WDR7: variants seen among roughly 807,000 people sequenced by gnomAD.
WDR7 encodes WD repeat-containing protein 7.
Under a neutral mutation model 169.4 loss-of-function variants are expected in WDR7, and 46 were observed. The observed-to-expected ratio is 0.27, with a 90% CI of 0.21 to 0.35. WDR7 has a LOEUF of 0.35. Ranked by LOEUF, WDR7 falls within the 10% of genes least tolerant of loss-of-function variation. The pLI is 1.00. For missense variants in WDR7, 1,534 were observed against 1,859.3 expected (o/e 0.83, Z 3.22); for synonymous variants, 612 against 666.8 (o/e 0.92, Z 1.27).
At chr18:56,695,863 T>G (rs1483588822) in intron 11 of WDR7, among the ~76,000 whole-genome samples, 2 of 152,230 alleles carry the variant, frequency 1.3e-5, no homozygotes, top group African/African-American at 4.8e-5. Context: ...AATAGCTGTG[T>G]TAAAAAATAA....
chr18:56,924,830 T>C (rs2046780496), intron 22 of WDR7, among the ~76,000 whole-genome samples: 1 of 152,220 alleles, frequency 6.6e-6, no homozygotes, highest in South Asian at 2.1e-4. Context: ...AAGTCTATAA[T>C]TCAGTGGCAT....
In WDR7 at chr18:56,879,988, T is replaced by C. The variant is rs748174004; in HGVS notation, c.3349T>C (p.Tyr1117His). The change falls in exon 21 of 28, where the codon TAC becomes CAC. Residue 1117 changes from tyrosine to histidine, a missense_variant. Transcript: ENST00000254442. ...VPQMKKISTS[Y>H]EERRKQATAI... ...ACAAATGAAAAAAATTTCTACATCT[T>C]ACGAGGAAAGACGGAAGCAAGCTAC... The C allele has an allele frequency of 5.0e-6, 8 of 1,614,064 alleles. No individual in the cohort carries two copies. The African/African-American group carries it at 6.7e-5, about 13-fold the overall frequency.
In WDR7 at chr18:56,794,385, A is replaced by G. The variant is rs192449385; in HGVS notation, c.3190+12729A>G. ...AGTACAGTGGCGTGATCTTGGCTCA[A>G]TGCAAGCTCTGCCTCCTGGGTTCAC... On this transcript the variant is annotated intron_variant, in intron 19 of 27. Coordinates refer to ENST00000254442, the MANE Select transcript of WDR7 (RefSeq NM_015285.3). Among the ~76,000 whole-genome samples the G allele has an allele frequency of 2.0e-3, 258 of 129,694 alleles. 5 individuals are homozygous for G. The highest frequency in any genetic ancestry group is 4.4e-4 in the Non-Finnish European group (28 of 63,744). 85.1% of individuals were successfully genotyped at this position (129,694 alleles called of 152,430 possible). A position where few individuals can be genotyped will look rare whatever the true frequency, so the allele number is the denominator to read the frequency against.
chr18:56,835,744 G>T (rs1179919689), intron 20 of WDR7, among the ~76,000 whole-genome samples: 3 of 152,116 alleles, frequency 2.0e-5, no homozygotes, highest in Non-Finnish European at 4.4e-5. Context: ...TATGTTACTA[G>T]GTTTTTAAAG....
At chr18:56,904,452 C>G (rs2046449457) in intron 21 of WDR7, among the ~76,000 whole-genome samples, 1 of 152,136 alleles carries the variant, frequency 6.6e-6, no homozygotes, top group South Asian at 2.1e-4. Flanking sequence ...TGCATTTAAG[C>G]TTAATTACCT....
intron 16 of WDR7, among the ~76,000 whole-genome samples, chr18:56,766,251 G>A (rs750560156): frequency 6.6e-6 from 1 of 152,012 alleles, no homozygotes; most frequent in Non-Finnish European, 1.5e-5. Flanking sequence ...TCAGTGTAGT[G>A]TTCTTCATGT....
intron 20 of WDR7, among the ~76,000 whole-genome samples, chr18:56,877,464 A>G (rs1205010065): frequency 6.6e-6 from 1 of 152,202 alleles, no homozygotes; most frequent in Non-Finnish European, 1.5e-5. Context: ...GGAATGATGG[A>G]AGGGGGACCT....
intron 13 of WDR7, among the ~76,000 whole-genome samples, chr18:56,720,971 T>C (rs991529152): frequency 6.6e-6 from 1 of 152,136 alleles, no homozygotes; most frequent in South Asian, 2.1e-4. Context: ...TAGCTAGTGA[T>C]ACAAAGTTCC....
In WDR7 at chr18:56,808,879, C is replaced by T. The variant is rs935920752; in HGVS notation, c.3191-7152C>T. On this transcript the variant is annotated intron_variant, in intron 19 of 27. Coordinates refer to ENST00000254442, the MANE Select transcript of WDR7 (RefSeq NM_015285.3). ...TTCTGAAGTGGCTTAAAAAATATTGCATAAAATTGGGAAGTTTTATGTATA... is the reference window on the plus strand; with the variant it reads ...TTCTGAAGTGGCTTAAAAAATATTGTATAAAATTGGGAAGTTTTATGTATA... Among the ~76,000 whole-genome samples, 4 of 152,204 alleles carry T rather than the reference C, an allele frequency of 2.6e-5. No homozygotes were observed. The East Asian group carries it at 7.7e-4, about 29-fold the overall frequency.
intron 20 of WDR7, among the ~76,000 whole-genome samples, chr18:56,870,484 T>C (rs1283198406): frequency 1.3e-5 from 2 of 152,200 alleles, no homozygotes; most frequent in African/African-American, 4.8e-5. Context: ...CATGTCTTGG[T>C]ACCTTCACTA....
intron 21 of WDR7, among the ~76,000 whole-genome samples, chr18:56,916,017 T>A (rs1346529233): frequency 6.6e-6 from 1 of 152,182 alleles, no homozygotes; most frequent in Non-Finnish European, 1.5e-5. Context: ...ACTGGCGGTT[T>A]ATGGGGGCTT....
intron 20 of WDR7, among the ~76,000 whole-genome samples, chr18:56,852,563 A>G (rs779848592): frequency 2.4e-4 from 37 of 152,234 alleles, no homozygotes; most frequent in Admixed American, 5.2e-4. Flanking sequence ...GAAATTTACT[A>G]TGTTTTAATA....
intron 16 of WDR7, among the ~76,000 whole-genome samples, chr18:56,765,890 T>C (rs1287153093): frequency 6.6e-6 from 1 of 152,202 alleles, no homozygotes; most frequent in Non-Finnish European, 1.5e-5. Context: ...ACATGTGCCA[T>C]GTTGTTTTGC....
At chr18:56,907,256 C>T (rs948257932) in intron 21 of WDR7, among the ~76,000 whole-genome samples, 2 of 152,154 alleles carry the variant, frequency 1.3e-5, no homozygotes, top group African/African-American at 2.4e-5. Flanking sequence ...TTTCATTCCA[C>T]AAATATTTTT....
intron 21 of WDR7, among the ~76,000 whole-genome samples, chr18:56,881,952 T>C (rs1238391572): frequency 6.6e-6 from 1 of 152,226 alleles, no homozygotes; most frequent in Non-Finnish European, 1.5e-5. Context: ...CAAAATGAAC[T>C]TAAGACTTCT....
intron 27 of WDR7, among the ~76,000 whole-genome samples, chr18:57,021,237 G>A (rs1344832246): frequency 3.3e-5 from 5 of 152,178 alleles, no homozygotes; most frequent in Admixed American, 3.3e-4. Flanking sequence ...CAGGAGGTGT[G>A]GGTGGTTAAG....
chr18:56,857,476 C>T (rs1263938281), intron 20 of WDR7, among the ~76,000 whole-genome samples: 2 of 152,076 alleles, frequency 1.3e-5, no homozygotes, highest in African/African-American at 4.8e-5. Flanking sequence ...AGGCCGGTCA[C>T]GAACTCCTGA....
Position 57,026,542 on chromosome 18 carries a change from C to T in WDR7, c.4270-462C>T, listed in dbSNP as rs561978303. 2.6e-5 allele frequency among the ~76,000 whole-genome samples: 4 copies of T among 152,308 alleles called. No homozygotes were observed. In the East Asian group the frequency reaches 7.7e-4, roughly 29 times the overall value. On this transcript the variant is annotated intron_variant, in intron 27 of 27. Transcript: ENST00000254442. Reference sequence around the variant, plus strand: ...TGAGCTTTATTTGATCCAATTGTCACTCTATCTACTGCTTAACTTTGCTTC... The same window carrying T: ...TGAGCTTTATTTGATCCAATTGTCATTCTATCTACTGCTTAACTTTGCTTC...
Position 56,741,017 on chromosome 18 carries a change from A to G in WDR7, c.1989+9420A>G, listed in dbSNP as rs1268844474. Among the ~76,000 whole-genome samples, 3 of 152,308 alleles carry G rather than the reference A, an allele frequency of 2.0e-5. No homozygotes were observed. In the East Asian group the frequency reaches 5.8e-4, roughly 29 times the overall value. On this transcript the variant is annotated intron_variant, in intron 14 of 27. Transcript: ENST00000254442. Reference sequence around the variant, plus strand: ...CTTTATCCAAGGTACTTTAAAGCCAACATGTCTAAGATTGAACTCAAAATC... The same window carrying G: ...CTTTATCCAAGGTACTTTAAAGCCAGCATGTCTAAGATTGAACTCAAAATC...
Sources: gnomAD v4.1 joint callset for allele counts (sites outside exome capture counted in the v4.1 genomes callset) on GRCh38, gnomAD v4.1.1 for gene constraint, MANE v1.5 for transcripts, NCBI Gene and HGNC (gene_info 2026-07-23, HGNC 2026-07-21) for gene names.